RADIL: variants seen among roughly 807,000 people sequenced by gnomAD.
RADIL encodes ras-associating and dilute domain-containing protein.
Under a neutral mutation model 97.6 loss-of-function variants are expected in RADIL, and 99 were observed. The ratio of observed to expected loss-of-function variants is 1.01; its 90% confidence interval spans 0.86 to 1.20. RADIL has a LOEUF of 1.20. Ranked by LOEUF, RADIL falls within the 50% of genes most tolerant of loss-of-function variation. RADIL has a pLI of 0.00. For missense variants in RADIL, 1,765 were observed against 1,498.9 expected, an observed-to-expected ratio of 1.18 and a Z score of -2.93; for synonymous variants, 803 against 691.8, an observed-to-expected ratio of 1.16 and a Z score of -2.52.
At chr7:4,860,968 T>C in intron 2 of RADIL, 1 of 1,614,220 alleles carries the variant, frequency 6.2e-7, no homozygotes, top group Non-Finnish European at 8.5e-7. Context: ...GGTTTGGCCA[T>C]TCCCATTCTG....
rs1432471999 is a variant in RADIL at position 4,818,565 on chromosome 7, G to A, written c.1616-1214C>T. On this transcript the variant is annotated intron_variant, in intron 6 of 14. Transcript: ENST00000399583. The surrounding 1 kb of genome is among the most constrained non-coding windows in gnomAD (Gnocchi z 7.1). ...GGGTCCGGGGCAGTAAGGGGCTCTC[G>A]GGCTCTGCCAACCTCAACACTGTGC... 6.6e-6 allele frequency among the ~76,000 whole-genome samples: 1 copy of A among 152,190 alleles called. No individual in the cohort carries two copies. The highest frequency in any genetic ancestry group is 1.5e-5 in the Non-Finnish European group (1 of 68,028).
chr7:4,836,728 A>T, intron 2 of RADIL, 123 bp from the exon 3 acceptor site: 1 of 1,317,572 alleles, frequency 7.6e-7, no homozygotes, highest in Admixed American at 2.3e-5. Flanking sequence ...GCCTGAGGTC[A>T]GGAGCTCGAG....
rs1784288422 is a variant in RADIL at position 4,872,913 on chromosome 7, C to A, written c.535+4692G>T. On this transcript the variant is annotated intron_variant, in intron 2 of 14. Transcript: ENST00000399583. The surrounding 1 kb of genome is among the most constrained non-coding windows in gnomAD (Gnocchi z 5.8). Reference sequence around the variant, plus strand: ...AATGCTTCCCCTGAAATGGTGCAACCCGTTAGCCCAACCCAGAACCAATGT... The same window carrying A: ...AATGCTTCCCCTGAAATGGTGCAACACGTTAGCCCAACCCAGAACCAATGT... Among the ~76,000 whole-genome samples, 1 of 152,072 alleles carries A rather than the reference C, an allele frequency of 6.6e-6. No individual in the cohort carries two copies. Among genetic ancestry groups the A allele is most frequent in the African/African-American group, 2.4e-5 (1 of 41,410 alleles).
rs1322193626 is a variant in RADIL, at chr7:4,822,905, G to A, written c.1455-351C>T. 2.0e-5 allele frequency among the ~76,000 whole-genome samples: 3 copies of A among 152,184 alleles called. No homozygotes were observed. The highest frequency in any genetic ancestry group is 2.1e-4 in the South Asian group (1 of 4,828). ...AATGTGTGCCAATATGTGTGTGTGTGCGTGTATGCGTGCATGGGGGTGGGG... is the reference window on the plus strand; with the variant it reads ...AATGTGTGCCAATATGTGTGTGTGTACGTGTATGCGTGCATGGGGGTGGGG... On this transcript the variant is annotated intron_variant, in intron 5 of 14. Transcript: ENST00000399583. The surrounding 1 kb of genome is among the most constrained non-coding windows in gnomAD (Gnocchi z 5.3).
At chr7:4,876,861 C>T (rs1035003176) in intron 2 of RADIL, among the ~76,000 whole-genome samples, 5 of 152,232 alleles carry the variant, frequency 3.3e-5, no homozygotes, top group African/African-American at 9.6e-5. Flanking sequence ...CCTCTGGAGA[C>T]CTTGCAACCC....
At chr7:4,869,751 C>G (rs1207307490) in intron 2 of RADIL, among the ~76,000 whole-genome samples, 1 of 152,156 alleles carries the variant, frequency 6.6e-6, no homozygotes, top group African/African-American at 2.4e-5. Flanking sequence ...AGGTATGTCT[C>G]AAGACTAATA....
intron 11 of RADIL, among the ~76,000 whole-genome samples, chr7:4,803,060 G>A (rs1305144253): frequency 4.3e-5 from 3 of 70,468 alleles, no homozygotes; most frequent in Non-Finnish European, 7.5e-5. Flanking sequence ...CGGGTACCTC[G>A]GGGCACGCTG....
chr7:4,803,265 GC>G (rs1193135666), intron 11 of RADIL, among the ~76,000 whole-genome samples: 1 of 114,906 alleles, frequency 8.7e-6, no homozygotes, highest in African/African-American at 4.0e-5. Context: ...TGGCTGGGGG[GC>G]CCCCTCCCCG....
At chr7:4,841,237 T>C (rs1783431598) in intron 2 of RADIL, among the ~76,000 whole-genome samples, 1 of 151,740 alleles carries the variant, frequency 6.6e-6, no homozygotes, top group African/African-American at 2.4e-5. Flanking sequence ...CCTCGTCTTC[T>C]TCAAGGACCC....
At chr7:4,871,372 C>A (rs1210641698) in intron 2 of RADIL, among the ~76,000 whole-genome samples, 2 of 152,256 alleles carry the variant, frequency 1.3e-5, no homozygotes, top group African/African-American at 2.4e-5. Flanking sequence ...GGCACCCCGT[C>A]GGCAGAGGAA....
Position 4,878,704 on chromosome 7 carries a change from G to A in RADIL, c.-64-501C>T. ...GAAAGCCATTACTGGGAAACACAAT[G>A]AGGTCGCCTAAGTAAGACACGCTCC... On this transcript the variant is annotated intron_variant, in intron 1 of 14. Coordinates refer to ENST00000399583, the MANE Select transcript of RADIL (RefSeq NM_018059.5). The surrounding 1 kb of genome is among the most constrained non-coding windows in gnomAD (Gnocchi z 4.1). Among the ~76,000 whole-genome samples the A allele has an allele frequency of 6.6e-6, 1 of 152,244 alleles. No individual in the cohort carries two copies. Among genetic ancestry groups the A allele is most frequent in the Non-Finnish European group, 1.5e-5 (1 of 68,044 alleles).
rs1390309477 is a variant in RADIL at position 4,878,255 on chromosome 7, C to T, written c.-64-52G>A. Reference sequence around the variant, plus strand: ...CGCCAACCATCGTGACCACCAAGAGCAAATGAGGCCACAGGCGGTGACTCC... The same window carrying T: ...CGCCAACCATCGTGACCACCAAGAGTAAATGAGGCCACAGGCGGTGACTCC... On this transcript the variant is annotated intron_variant, in intron 1 of 14. Transcript: ENST00000399583. The surrounding 1 kb of genome is among the most constrained non-coding windows in gnomAD (Gnocchi z 4.1). The T allele has an allele frequency of 2.6e-5, 31 of 1,170,512 alleles. No individual in the cohort carries two copies. The East Asian group carries it at 8.0e-4, about 30-fold the overall frequency. 72.5% of individuals were successfully genotyped at this position (1,170,512 alleles called of 1,614,324 possible).
At chr7:4,809,354 G>T (rs1267127170) in intron 9 of RADIL, 1 of 985,282 alleles carries the variant, frequency 1.0e-6, no homozygotes, top group Non-Finnish European at 1.2e-6. Context: ...CAACGTTCTA[G>T]AAATATCCCC....
chr7:4,880,278 C>T lies in RADIL; in HGVS notation c.-64-2075G>A, dbSNP rs560702515. Among the ~76,000 whole-genome samples, 101 of 152,270 alleles carry T rather than the reference C, an allele frequency of 6.6e-4. No individual in the cohort carries two copies. Among genetic ancestry groups the T allele is most frequent in the Admixed American group, 3.3e-3 (51 of 15,288 alleles). On this transcript the variant is annotated intron_variant, in intron 1 of 14. Transcript: ENST00000399583. The surrounding 1 kb of genome is among the most constrained non-coding windows in gnomAD (Gnocchi z 4.5). Reference sequence around the variant, plus strand: ...GGTGCAACGAGTGGCCTTGTCAAATCCTAAGAAGCTCAGAGCCGGCCGCAG... The same window carrying T: ...GGTGCAACGAGTGGCCTTGTCAAATTCTAAGAAGCTCAGAGCCGGCCGCAG...
Position 4,814,584 on chromosome 7 carries a change from C to T in RADIL, c.2139+694G>A, listed in dbSNP as rs1009323643. Among the ~76,000 whole-genome samples the T allele has an allele frequency of 2.6e-5, 4 of 151,910 alleles. No homozygotes were observed. Among genetic ancestry groups the T allele is most frequent in the African/African-American group, 4.8e-5 (2 of 41,332 alleles). On this transcript the variant is annotated intron_variant, in intron 9 of 14. Transcript: ENST00000399583. The surrounding 1 kb of genome is among the most constrained non-coding windows in gnomAD (Gnocchi z 4.5). ...GTGTTGGGAGGGGGGTGGTGAGCAG[C>T]GAGGGAAGCAGGGAGGGGCATGTCG...
In RADIL at chr7:4,879,003, AC is replaced by A. The variant is rs776678953; in HGVS notation, c.-64-801del. Among the ~76,000 whole-genome samples, 4 of 152,090 alleles carry A rather than the reference AC, an allele frequency of 2.6e-5. No homozygotes were observed. Among genetic ancestry groups the A allele is most frequent in the Non-Finnish European group, 5.9e-5 (4 of 68,016 alleles). ...AGACCATCAGACATTCCAGACACAA[AC>A]CCCCAGAATCTACCCCTCAGGGCAA... On this transcript the variant is annotated intron_variant, in intron 1 of 14. Transcript: ENST00000399583. The surrounding 1 kb of genome is among the most constrained non-coding windows in gnomAD (Gnocchi z 4.1).
At position 4,849,114 on chromosome 7, in the gene RADIL, G is replaced by A. The variant is rs965454409; in HGVS notation, c.536-12509C>T. Among the ~76,000 whole-genome samples the A allele has an allele frequency of 6.7e-6, 1 of 149,082 alleles. No individual in the cohort carries two copies. Among genetic ancestry groups the A allele is most frequent in the Non-Finnish European group, 1.5e-5 (1 of 67,694 alleles). On this transcript the variant is annotated intron_variant, in intron 2 of 14. Coordinates refer to ENST00000399583, the MANE Select transcript of RADIL (RefSeq NM_018059.5). The surrounding 1 kb of genome is among the most constrained non-coding windows in gnomAD (Gnocchi z 5.4). Reference sequence around the variant, plus strand: ...GATCGTGCCATTGCACTCCAGCCTGGGCAACAAGAGGGAAATTCTGTCTCA... The same window carrying A: ...GATCGTGCCATTGCACTCCAGCCTGAGCAACAAGAGGGAAATTCTGTCTCA...
Position 4,800,159 on chromosome 7 carries a change from T to A in RADIL, c.2982+12A>T. 6.3e-7 allele frequency: 1 copy of A among 1,596,686 alleles called. No homozygotes were observed. The highest frequency in any genetic ancestry group is 1.3e-5 in the African/African-American group (1 of 74,694). ...CAGTATGGGGGTGCGGCGAGGGTCC[T>A]GGGCCACTCACCATCCCGTCGATCA... On this transcript the variant is annotated intron_variant, in intron 13 of 14. Coordinates refer to ENST00000399583, the MANE Select transcript of RADIL (RefSeq NM_018059.5).
intron 2 of RADIL, among the ~76,000 whole-genome samples, chr7:4,870,930 C>T (rs1398834088): frequency 6.6e-6 from 1 of 152,124 alleles, no homozygotes; most frequent in Non-Finnish European, 1.5e-5. Context: ...GTCAACGGTG[C>T]CTCTATGATC....
Sources: gnomAD v4.1 joint callset for allele counts (sites outside exome capture counted in the v4.1 genomes callset) on GRCh38, gnomAD v4.1.1 for gene constraint, Gnocchi (gnomAD v3.1) non-coding constraint, MANE v1.5 for transcripts, NCBI Gene and HGNC (gene_info 2026-07-23, HGNC 2026-07-21) for gene names.